The following ACVR2B variants were observed in gnomAD, a reference collection of about 807,000 sequenced individuals.
ACVR2B encodes activin A receptor type 2B.
A neutral mutation model predicts 65.1 loss-of-function variants in ACVR2B; 18 were observed. The ratio of observed to expected loss-of-function variants is 0.28; its 90% CI spans 0.19 to 0.41. ACVR2B has a LOEUF of 0.41. Among genes scored for constraint, ACVR2B ranks in the 10% least tolerant of loss-of-function variants. ACVR2B has a pLI of 1.00. For synonymous variants in ACVR2B, 298 were observed against 277.7 expected (o/e 1.07, Z -0.73); for missense variants, 482 against 682.7 (o/e 0.71, Z 3.28).
chr3:38,465,949 T>C (rs1017900364), intron 1 of ACVR2B, among the ~76,000 whole-genome samples: 2 of 152,242 alleles, frequency 1.3e-5, no homozygotes, highest in African/African-American at 2.4e-5. Context: ...GCTGTAGTTA[T>C]ACTGACAGCT....
At chr3:38,458,495 C>T (rs775350331) in intron 1 of ACVR2B, among the ~76,000 whole-genome samples, 5 of 152,064 alleles carry the variant, frequency 3.3e-5, no homozygotes, top group South Asian at 2.1e-4. Flanking sequence ...GCTTGTTCTG[C>T]GGGGGAGGGG....
Position 38,455,123 on chromosome 3 carries a change from T to C in ACVR2B, c.52+749T>C, listed in dbSNP as rs905331819. Among the ~76,000 whole-genome samples, 14 of 152,260 alleles carry C rather than the reference T, an allele frequency of 9.2e-5. No homozygotes were observed. The East Asian group carries it at 1.6e-3, about 17-fold the overall frequency. ...TCGCCCGCGGCTGCGGGCGTGTGGC[T>C]GGAGGTGTTCGGCCAGCGCATGTGT... On this transcript the variant is annotated intron_variant, in intron 1 of 10. Coordinates refer to ENST00000352511, the MANE Select transcript of ACVR2B (RefSeq NM_001106.4).
chr3:38,467,820 G>A (rs1709757978), intron 1 of ACVR2B, among the ~76,000 whole-genome samples: 1 of 151,850 alleles, frequency 6.6e-6, no homozygotes, highest in African/African-American at 2.4e-5. Flanking sequence ...TGAGAGACAA[G>A]GGAACATAGA....
At position 38,477,822 on chromosome 3, in the gene ACVR2B, C is replaced by T. The variant is rs753973498; in HGVS notation, c.261-39C>T. ...GGCAGGCCTGGGGGAGTCTTGCATC[C>T]CCCAGGTGAGGGGTATATGGAAAAT... On this transcript the variant is annotated intron_variant, in intron 2 of 10. Transcript: ENST00000352511. This position sits in a 1 kb window ranked among gnomAD's most constrained non-coding sequence, Gnocchi z 6.7. The T allele has an allele frequency of 1.9e-6, 3 of 1,602,210 alleles. No homozygotes were observed. Among genetic ancestry groups the T allele is most frequent in the African/African-American group, 1.3e-5 (1 of 74,664 alleles).
intron 1 of ACVR2B, chr3:38,475,854 T>G (rs1435984192): frequency 1.3e-5 from 2 of 153,826 alleles, no homozygotes; most frequent in East Asian, 1.9e-4. Flanking sequence ...GGGCTGGCTG[T>G]CTGGTGGGAT....
rs551563702 is a variant in ACVR2B, at chr3:38,485,651, G to A, written c.*2319G>A. 2.2e-5 allele frequency: 3 copies of A among 136,684 alleles called. No homozygotes were observed. Among genetic ancestry groups the A allele is most frequent in the South Asian group, 5.1e-4 (2 of 3,900 alleles). 8.5% of individuals were successfully genotyped at this position (136,684 alleles called of 1,614,324 possible). On this transcript the variant is annotated 3_prime_UTR_variant, in exon 11 of 11. Coordinates refer to ENST00000352511, the MANE Select transcript of ACVR2B (RefSeq NM_001106.4). ...CAAGTGGTTACAGGAACAGGGTTTC[G>A]GTAAGCTATGTTGTCTTTTTTTTTT...
Position 38,477,200 on chromosome 3 carries a change from G to T in ACVR2B, c.53-87G>T, listed in dbSNP as rs1290653807. The T allele has an allele frequency of 1.7e-5, 26 of 1,523,690 alleles. No individual in the cohort carries two copies. The highest frequency in any genetic ancestry group is 2.3e-5 in the South Asian group (2 of 86,296). The allele number at this position is 1,523,690 out of a possible 1,614,324, so 94.4% of individuals were successfully genotyped here. Reference sequence around the variant, plus strand: ...CCACCACCCGGCCTCCCTCCCTCAGGGTGGCCTGGCACCCAGGACTGGGAG... The same window carrying T: ...CCACCACCCGGCCTCCCTCCCTCAGTGTGGCCTGGCACCCAGGACTGGGAG... On this transcript the variant is annotated intron_variant, in intron 1 of 10. Coordinates refer to ENST00000352511, the MANE Select transcript of ACVR2B (RefSeq NM_001106.4). The surrounding 1 kb of genome is among the most constrained non-coding windows in gnomAD (Gnocchi z 6.7).
Position 38,486,395 on chromosome 3 carries a change from A to G in ACVR2B, c.*3063A>G, listed in dbSNP as rs960434599. ...TTATAGGGCATGGGTCTAGGAGCAC[A>G]GATGGGCCTTTTGCCCCGGGTAAAT... On this transcript the variant is annotated 3_prime_UTR_variant, in exon 11 of 11. Transcript: ENST00000352511. The G allele has an allele frequency of 6.6e-6, 1 of 152,284 alleles. No individual in the cohort carries two copies. The highest frequency in any genetic ancestry group is 2.4e-5 in the African/African-American group (1 of 41,448). 9.4% of individuals were successfully genotyped at this position (152,284 alleles called of 1,614,324 possible).
intron 1 of ACVR2B, among the ~76,000 whole-genome samples, chr3:38,456,081 A>G (rs1022307412): frequency 6.6e-6 from 1 of 152,210 alleles, no homozygotes; most frequent in African/African-American, 2.4e-5. Context: ...GAAGGACTGT[A>G]TGTCCTTTCT....
At chr3:38,458,944 A>G (rs1182469017) in intron 1 of ACVR2B, among the ~76,000 whole-genome samples, 1 of 152,188 alleles carries the variant, frequency 6.6e-6, no homozygotes, top group Non-Finnish European at 1.5e-5. Flanking sequence ...GATATTTAGC[A>G]GTATCCCCGC....
intron 1 of ACVR2B, among the ~76,000 whole-genome samples, chr3:38,464,076 A>G (rs993118733): frequency 1.3e-5 from 2 of 152,208 alleles, no homozygotes; most frequent in African/African-American, 4.8e-5. Context: ...AAAACCTGCA[A>G]TTACTTTTGC....
Position 38,479,158 on chromosome 3 carries a change from A to G in ACVR2B, c.697A>G (p.Ile233Val). The stretch of plus-strand genomic sequence containing the variant: ...GCAGTCGTGGCAGAGTGAACGGGAG[A>G]TCTTCAGCACACCTGGCATGAAGCA... ...DKQSWQSERE[I>V]FSTPGMKHEN... Residue 233 changes from isoleucine (I) to valine (V), a missense_variant, in exon 6 of 11, where the codon ATC becomes GTC. This residue lies in a region of ACVR2B where 223 missense variants were observed against 386.3 expected (regional missense o/e 0.58). Transcript: ENST00000352511. 6.2e-7 allele frequency: 1 copy of G among 1,614,000 alleles called. No individual in the cohort carries two copies. Among genetic ancestry groups the G allele is most frequent in the Non-Finnish European group, 8.5e-7 (1 of 1,179,994 alleles).
chr3:38,476,489 T>G (rs1278393185), intron 1 of ACVR2B: 2 of 152,472 alleles, frequency 1.3e-5, no homozygotes, highest in African/African-American at 4.8e-5. Context: ...CACGCAGGCC[T>G]CATTCCTTAA....
intron 1 of ACVR2B, 129 bp downstream of exon 1, chr3:38,454,503 C>G (rs1226873254): frequency 1.2e-6 from 1 of 856,398 alleles, no homozygotes; most frequent in African/African-American, 1.8e-5. Context: ...CAGCCCTCAC[C>G]TCCGGGGGCG....
chr3:38,454,701 C>T (rs1452296791), intron 1 of ACVR2B: 3 of 241,522 alleles, frequency 1.2e-5, no homozygotes, highest in Non-Finnish European at 2.4e-5. Context: ...AAAACCTGAG[C>T]GTGGGGAAGG....
At chr3:38,461,294 A>G (rs1709642321) in intron 1 of ACVR2B, among the ~76,000 whole-genome samples, 1 of 152,016 alleles carries the variant, frequency 6.6e-6, no homozygotes, top group Non-Finnish European at 1.5e-5. Flanking sequence ...AAGAACTCTT[A>G]TTTTATGCAC....
chr3:38,464,362 C>T (rs2268757), intron 1 of ACVR2B, among the ~76,000 whole-genome samples: 64,496 of 152,102 alleles, frequency 0.42, 15,948 homozygotes, highest in Non-Finnish European at 0.57. Context: ...GGGCATGTTA[C>T]GATCCTGAAA....
At chr3:38,466,620 C>T (rs929177235) in intron 1 of ACVR2B, among the ~76,000 whole-genome samples, 1 of 151,886 alleles carries the variant, frequency 6.6e-6, no homozygotes, top group East Asian at 1.9e-4. Context: ...TGTCCTGCCT[C>T]AGCCTCCTGA....
Position 38,492,633 on chromosome 3 carries a change from T to TA in ACVR2B, c.*9302dup, listed in dbSNP as rs1482415637. On this transcript the variant is annotated 3_prime_UTR_variant, in exon 11 of 11. Transcript: ENST00000352511. ...TGAATTAACAAAAGTTATACTAAAGTATCATGTTTAAAAAAAATATATATA... is the reference window on the plus strand; with the variant it reads ...TGAATTAACAAAAGTTATACTAAAGTAATCATGTTTAAAAAAAATATATATA... The TA allele has an allele frequency of 1.7e-4, 11 of 63,190 alleles. No individual in the cohort carries two copies. Among genetic ancestry groups the TA allele is most frequent in the Non-Finnish European group, 3.8e-5 (1 of 26,498 alleles). 3.9% of individuals were successfully genotyped at this position (63,190 alleles called of 1,614,324 possible).
Sources: gnomAD v4.1 joint callset for allele counts (sites outside exome capture counted in the v4.1 genomes callset) on GRCh38, gnomAD v4.1.1 for gene constraint, gnomAD v4.1.1 regional missense constraint, Gnocchi (gnomAD v3.1) non-coding constraint, MANE v1.5 for transcripts, NCBI Gene and HGNC (gene_info 2026-07-23, HGNC 2026-07-21) for gene names.